The following P2RY14 variants were observed in gnomAD, a reference collection of about 807,000 sequenced individuals.
P2RY14 encodes the protein purinergic receptor P2Y14, also known as P2Y purinoceptor 14.
A neutral mutation model predicts 0.9 loss-of-function variants in P2RY14; 2 were observed. The ratio of observed to expected loss-of-function variants is 2.16; its 90% confidence interval spans 0.88 to 6.79. The LOEUF (loss-of-function observed/expected upper bound fraction) is 6.79, where lower values mean the gene tolerates loss of function less well. Among genes scored for constraint, P2RY14 ranks in the 30% most tolerant of loss-of-function variants. P2RY14 has a pLI of 0.05. For missense variants in P2RY14, 378 were observed against 400.1 expected, an observed-to-expected ratio of 0.94 and a Z score of 0.47; for synonymous variants, 158 against 147.2, an observed-to-expected ratio of 1.07 and a Z score of -0.53.
chr3:151,233,805 G>T (rs1375636363), intron 1 of P2RY14, among the ~76,000 whole-genome samples: 1 of 152,214 alleles, frequency 6.6e-6, no homozygotes, highest in Non-Finnish European at 1.5e-5. Flanking sequence ...GATCGTTCCT[G>T]TTCCTCCTCT....
intron 2 of P2RY14, among the ~76,000 whole-genome samples, chr3:151,217,872 G>A (rs1300190396): frequency 1.3e-5 from 2 of 152,106 alleles, no homozygotes; most frequent in Admixed American, 1.3e-4. Context: ...TTTCTGTAGG[G>A]CAGATCAGAG....
chr3:151,269,222 G>T (rs555857638), intron 1 of P2RY14, among the ~76,000 whole-genome samples: 1 of 152,180 alleles, frequency 6.6e-6, no homozygotes, highest in Non-Finnish European at 1.5e-5. Flanking sequence ...CCAACATGCA[G>T]AAACCCCATC....
rs192703665 is a variant in P2RY14 at position 151,264,933 on chromosome 3, T to A, written c.-133+13354A>T. On this transcript the variant is annotated intron_variant, in intron 1 of 2. Transcript: ENST00000309170. The stretch of plus-strand genomic sequence containing the variant: ...CTTGTAGCCACACTGGCCTTCTTGC[T>A]CTTGCTCCTCCACTTCAAAGATAAC... Among the ~76,000 whole-genome samples, 20 of 149,102 alleles carry A rather than the reference T, an allele frequency of 1.3e-4. 1 individual carries two copies. Among genetic ancestry groups the A allele is most frequent in the Admixed American group, 1.2e-3 (18 of 15,264 alleles).
At chr3:151,233,278 T>C (rs1396044535) in intron 1 of P2RY14, among the ~76,000 whole-genome samples, 1 of 152,254 alleles carries the variant, frequency 6.6e-6, no homozygotes, top group Non-Finnish European at 1.5e-5. Context: ...TCATCTCTTA[T>C]TCTCATCACA....
At chr3:151,222,102 A>T (rs1011593862) in intron 1 of P2RY14, among the ~76,000 whole-genome samples, 1 of 152,220 alleles carries the variant, frequency 6.6e-6, no homozygotes, top group Non-Finnish European at 1.5e-5. Context: ...TTGGACTTGG[A>T]TGGGGCCTGT....
At chr3:151,240,631 C>T (rs1430264821) in intron 1 of P2RY14, among the ~76,000 whole-genome samples, 1 of 152,134 alleles carries the variant, frequency 6.6e-6, no homozygotes, top group Non-Finnish European at 1.5e-5. Context: ...TCTCCTTTAT[C>T]TACCATGCAA....
Position 151,242,746 on chromosome 3 carries a change from G to A in P2RY14, c.-132-23104C>T, listed in dbSNP as rs572450142. On this transcript the variant is annotated intron_variant, in intron 1 of 2. Coordinates refer to ENST00000309170, the MANE Select transcript of P2RY14 (RefSeq NM_014879.4). The stretch of plus-strand genomic sequence containing the variant: ...AAAGGAACGCAGTTCCTCACCAGCA[G>A]CGGAACAAAGCTGGATGGAGAATGA... 7.7e-4 allele frequency among the ~76,000 whole-genome samples: 118 copies of A among 152,264 alleles called. No individual in the cohort carries two copies. The East Asian group carries it at 0.017, about 22-fold the overall frequency.
intron 1 of P2RY14, among the ~76,000 whole-genome samples, chr3:151,266,749 A>G (rs972249316): frequency 1.3e-5 from 2 of 152,216 alleles, no homozygotes; most frequent in Non-Finnish European, 2.9e-5. Flanking sequence ...TAAAGCATAC[A>G]TGCAGGAAAT....
chr3:151,239,304 A>G (rs1027120618), intron 1 of P2RY14, among the ~76,000 whole-genome samples: 1 of 152,250 alleles, frequency 6.6e-6, no homozygotes, highest in African/African-American at 2.4e-5. Flanking sequence ...TTTAGATCCA[A>G]TATTGCAATC....
chr3:151,273,388 C>A (rs910111826), intron 1 of P2RY14, among the ~76,000 whole-genome samples: 2 of 145,486 alleles, frequency 1.4e-5, no homozygotes, highest in African/African-American at 2.5e-5. Flanking sequence ...CCACCATGCC[C>A]GGCTAATTTT....
intron 1 of P2RY14, among the ~76,000 whole-genome samples, chr3:151,237,543 G>T (rs2149359906): frequency 6.6e-6 from 1 of 151,210 alleles, no homozygotes; most frequent in Non-Finnish European, 1.5e-5. Flanking sequence ...TGGAGATGGG[G>T]TTTCACCATG....
At chr3:151,259,007 A>G (rs1379824290) in intron 1 of P2RY14, among the ~76,000 whole-genome samples, 2 of 152,226 alleles carry the variant, frequency 1.3e-5, no homozygotes, top group African/African-American at 2.4e-5. Flanking sequence ...CTGCACACAC[A>G]TATGTAATAT....
At chr3:151,278,227 C>T (rs2149598088) in intron 1 of P2RY14, 60 bp downstream of exon 1, 1 of 152,344 alleles carries the variant, frequency 6.6e-6, no homozygotes, top group African/African-American at 2.4e-5. Flanking sequence ...GAAATCTTTT[C>T]TGTTCCCATG....
intron 1 of P2RY14, among the ~76,000 whole-genome samples, chr3:151,247,630 A>G (rs957714070): frequency 8.4e-6 from 1 of 118,590 alleles, no homozygotes; most frequent in Non-Finnish European, 1.8e-5. Context: ...GGGAGGGGGG[A>G]GGGATAGCAT....
intron 2 of P2RY14, among the ~76,000 whole-genome samples, chr3:151,217,469 C>A (rs1218849848): frequency 6.6e-6 from 1 of 152,242 alleles, no homozygotes; most frequent in Non-Finnish European, 1.5e-5. Context: ...AAGGGACTGA[C>A]TGACCAAGGT....
intron 1 of P2RY14, among the ~76,000 whole-genome samples, chr3:151,273,119 C>T (rs1344261429): frequency 6.6e-6 from 1 of 152,032 alleles, no homozygotes; most frequent in Admixed American, 6.6e-5. Flanking sequence ...AATATTCAAC[C>T]TCTGTATCTC....
intron 1 of P2RY14, among the ~76,000 whole-genome samples, chr3:151,233,021 G>A (rs1334058370): frequency 6.6e-6 from 1 of 152,072 alleles, no homozygotes; most frequent in Non-Finnish European, 1.5e-5. Flanking sequence ...CAGTGTATGT[G>A]CTATTGGTGA....
chr3:151,222,850 T>C (rs532471546), intron 1 of P2RY14, among the ~76,000 whole-genome samples: 6 of 152,304 alleles, frequency 3.9e-5, no homozygotes, highest in East Asian at 3.9e-4. Flanking sequence ...GTCGGGACTT[T>C]AGACAAGAAA....
rs1363596317 is a variant in P2RY14 at position 151,213,932 on chromosome 3, T to C, written c.385A>G (p.Thr129Ala). 6.2e-7 allele frequency: 1 copy of C among 1,614,090 alleles called. No individual in the cohort carries two copies. Among genetic ancestry groups the C allele is most frequent in the East Asian group, 2.2e-5 (1 of 44,872 alleles). ...TAACTCACTGACTGGATGAAAGAAGTCCAAAGAGGCTTTACAATTTTATAA... is the reference window on the plus strand; with the variant it reads ...TAACTCACTGACTGGATGAAAGAAGCCCAAAGAGGCTTTACAATTTTATAA... Reference protein sequence around the residue: ...RYYKIVKPLWTSFIQSVSYSK... With the variant: ...RYYKIVKPLWASFIQSVSYSK... The change falls in exon 3 of 3, where the codon ACT (threonine) becomes GCT (alanine). Residue 129 changes from threonine (T) to alanine (A), a missense_variant. Thr to Ala is a moderately conservative substitution (Grantham distance 58). Transcript: ENST00000309170.
Sources: allele counts gnomAD v4.1 joint callset (sites outside exome capture counted in the v4.1 genomes callset), GRCh38; gene constraint gnomAD v4.1.1; transcripts MANE v1.5; gene names NCBI Gene and HGNC (gene_info 2026-07-23, HGNC 2026-07-21).